Variants in ILDR1 observed in about 807,000 individuals in gnomAD.
ILDR1 encodes immunoglobulin-like domain-containing receptor 1.
Under a neutral mutation model 62.4 loss-of-function variants are expected in ILDR1, and 56 were observed. The ratio of observed to expected loss-of-function variants is 0.90; its 90% CI spans 0.72 to 1.12. The LOEUF is 1.12. ILDR1 is among the 50% of genes most tolerant of loss of function. The pLI is 0.00. For missense variants in ILDR1, 736 were observed against 710.6 expected (o/e 1.04, Z -0.41); for synonymous variants, 284 against 277.8 (o/e 1.02, Z -0.22).
At position 121,988,194 on chromosome 3, in the gene ILDR1, C is replaced by A; in HGVS notation, c.*173G>T. The A allele has an allele frequency of 1.5e-6, 1 of 686,898 alleles. No homozygotes were observed. The highest frequency in any genetic ancestry group is 2.0e-5 in the Admixed American group (1 of 49,288). 42.6% of individuals were successfully genotyped at this position (686,898 alleles called of 1,614,324 possible). A position where few individuals can be genotyped will look rare whatever the true frequency, so the allele number is the denominator to read the frequency against. On this transcript the variant is annotated 3_prime_UTR_variant, in exon 8 of 8. Transcript: ENST00000344209. The stretch of plus-strand genomic sequence containing the variant: ...GTGCTGTGATTACAGGTGTGAGCCA[C>A]TATACCCAATCTCAAACTCTTGTAT...
chr3:121,987,418 A>C lies in ILDR1; in HGVS notation c.*949T>G, dbSNP rs574224717. Reference sequence around the variant, plus strand: ...CTGTGTCATTCCCAAGAAGGATTTAAAGTGACTTCAATCAATACACAATAT... The same window carrying C: ...CTGTGTCATTCCCAAGAAGGATTTACAGTGACTTCAATCAATACACAATAT... On this transcript the variant is annotated 3_prime_UTR_variant, in exon 8 of 8. Coordinates refer to ENST00000344209, the MANE Select transcript of ILDR1 (RefSeq NM_001199799.2). 6.6e-6 allele frequency: 1 copy of C among 152,242 alleles called. No individual in the cohort carries two copies. Among genetic ancestry groups the C allele is most frequent in the East Asian group, 1.9e-4 (1 of 5,168 alleles). 9.4% of individuals were successfully genotyped at this position (152,242 alleles called of 1,614,324 possible).
At chr3:122,048,379 A>T in the ILDR1 span, among the ~76,000 whole-genome samples, 1 of 152,112 alleles carries the variant, frequency 6.6e-6, no homozygotes, top group Non-Finnish European at 1.5e-5. Flanking sequence ...ATTGGCCTGT[A>T]GTTTTCTTTT....
At chr3:122,018,402 G>T (rs199754968) in intron 1 of ILDR1, among the ~76,000 whole-genome samples, 2 of 138,162 alleles carry the variant, frequency 1.4e-5, no homozygotes, top group Non-Finnish European at 3.2e-5. Context: ...GGTGGGGGGG[G>T]GGTAGGGGAG....
At chr3:122,016,789 A>G (rs544854458) in intron 1 of ILDR1, among the ~76,000 whole-genome samples, 1 of 152,300 alleles carries the variant, frequency 6.6e-6, no homozygotes, top group East Asian at 1.9e-4. Flanking sequence ...CTGCATAGAG[A>G]ATGGTTGGAA....
At chr3:122,023,365 G>A (rs2071892877), upstream of ILDR1, among the ~76,000 whole-genome samples, 1 of 151,780 alleles carries the variant, frequency 6.6e-6, no homozygotes, top group Non-Finnish European at 1.5e-5. Context: ...CTCCTTCCAC[G>A]GCAGGAAGCC....
At chr3:122,046,334 C>G in the ILDR1 span, among the ~76,000 whole-genome samples, 1 of 151,582 alleles carries the variant, frequency 6.6e-6, no homozygotes, top group African/African-American at 2.4e-5. Context: ...CGACCTTTCT[C>G]TCTGGTTGCC....
At chr3:122,043,056 G>A in the ILDR1 span, among the ~76,000 whole-genome samples, 59 of 143,808 alleles carry the variant, frequency 4.1e-4, no homozygotes, top group South Asian at 5.5e-3. Flanking sequence ...TAGGTCTAAC[G>A]TTTAAATCTT....
chr3:121,994,229 C>T lies in ILDR1; in HGVS notation c.731G>A (p.Arg244Lys). ...MGKPLYWGAD[R>K]SSQVSSYPMH... ...TGGATAAGATGAAACCTGGGAGCTC[C>T]TGTCCGCCCCCCAGTACAGGGGTTT... The change falls in exon 6 of 8, where the codon AGG becomes AAG. Residue 244 changes from arginine to lysine, a missense_variant. Arg to Lys is a conservative substitution (Grantham distance 26). Coordinates refer to ENST00000344209, the MANE Select transcript of ILDR1 (RefSeq NM_001199799.2). 2 of 1,536,132 alleles carry T rather than the reference C, an allele frequency of 1.3e-6. No homozygotes were observed. Among genetic ancestry groups the T allele is most frequent in the Non-Finnish European group, 1.7e-6 (2 of 1,146,904 alleles).
Position 121,988,087 on chromosome 3 carries a change from A to AT in ILDR1, c.*279dup, listed in dbSNP as rs1435294005. 2.0e-5 allele frequency: 9 copies of AT among 460,862 alleles called. No individual in the cohort carries two copies. Among genetic ancestry groups the AT allele is most frequent in the Middle Eastern group, 6.7e-4 (1 of 1,488 alleles). The allele number at this position is 460,862 out of a possible 1,614,324, so 28.5% of individuals were successfully genotyped here. On this transcript the variant is annotated 3_prime_UTR_variant, in exon 8 of 8. Transcript: ENST00000344209. The stretch of plus-strand genomic sequence containing the variant: ...GCCACCACACCTAACTAATTTTTAT[A>AT]TTTTTTGTAGAGACGGGGTCTCACT...
At chr3:122,000,362 C>A (rs2071502804) in intron 5 of ILDR1, among the ~76,000 whole-genome samples, 1 of 152,066 alleles carries the variant, frequency 6.6e-6, no homozygotes, top group Non-Finnish European at 1.5e-5. Context: ...CTTAATCAAT[C>A]ATGCCTATGT....
chr3:122,025,624 T>C (rs2071912695), upstream of ILDR1, among the ~76,000 whole-genome samples: 1 of 152,236 alleles, frequency 6.6e-6, no homozygotes, highest in Non-Finnish European at 1.5e-5. Flanking sequence ...CTATGAATGT[T>C]TCTGAACACT....
chr3:122,019,987 A>G (rs2071833115), intron 1 of ILDR1, among the ~76,000 whole-genome samples: 1 of 152,166 alleles, frequency 6.6e-6, no homozygotes, highest in South Asian at 2.1e-4. Flanking sequence ...CAGGAATTTC[A>G]CCTGTTTTCC....
the ILDR1 span, among the ~76,000 whole-genome samples, chr3:122,058,703 G>A: frequency 6.6e-6 from 1 of 152,014 alleles, no homozygotes; most frequent in Admixed American, 6.6e-5. Flanking sequence ...CATCCTAAAG[G>A]AACAGCCTAA....
At chr3:121,999,461 A>G (rs768113415) in intron 5 of ILDR1, among the ~76,000 whole-genome samples, 1 of 152,208 alleles carries the variant, frequency 6.6e-6, no homozygotes, top group Non-Finnish European at 1.5e-5. Flanking sequence ...TGCCTTTACC[A>G]TGTATTCTGT....
At chr3:122,053,876 AT>A in the ILDR1 span, among the ~76,000 whole-genome samples, 9 of 152,332 alleles carry the variant, frequency 5.9e-5, no homozygotes, top group African/African-American at 2.2e-4. Context: ...AATATTTAAT[AT>A]TTATAACAAA....
At chr3:122,049,897 A>G in the ILDR1 span, among the ~76,000 whole-genome samples, 1 of 152,168 alleles carries the variant, frequency 6.6e-6, no homozygotes. Flanking sequence ...TCCTTCTTCC[A>G]CCATGTGAGG....
rs1207884041 is a variant in ILDR1, at chr3:121,993,421, C to T, written c.1328G>A (p.Cys443Tyr). 6.2e-7 allele frequency: 1 copy of T among 1,613,988 alleles called. No homozygotes were observed. The highest frequency in any genetic ancestry group is 1.1e-5 in the South Asian group (1 of 91,064). ...GCTGGGCCTGCGGGGCCTCTCCTGA[C>T]AGCGGCTCCTGAAAGGAGGGTGGCT... is the stretch of plus-strand genomic sequence containing the variant. ...RPSHPPFRSR[C>Y]QERPRRPSPR... The change falls in exon 7 of 8, where the codon TGT becomes TAT. Residue 443 changes from cysteine (C) to tyrosine (Y), a missense_variant. Coordinates refer to ENST00000344209, the MANE Select transcript of ILDR1 (RefSeq NM_001199799.2).
chr3:122,035,686 A>C, the ILDR1 span, among the ~76,000 whole-genome samples: 1 of 152,120 alleles, frequency 6.6e-6, no homozygotes, highest in South Asian at 2.1e-4. Context: ...GCCTTCCACC[A>C]TGATTGTAAG....
intron 5 of ILDR1, among the ~76,000 whole-genome samples, chr3:121,994,735 T>C (rs947777426): frequency 6.6e-6 from 1 of 152,096 alleles, no homozygotes; most frequent in Non-Finnish European, 1.5e-5. Flanking sequence ...ATGCTGTGAG[T>C]CAGGGGCTGG....
Sources: gnomAD v4.1 joint callset for allele counts (sites outside exome capture counted in the v4.1 genomes callset) on GRCh38, gnomAD v4.1.1 for gene constraint, MANE v1.5 for transcripts, NCBI Gene and HGNC (gene_info 2026-07-23, HGNC 2026-07-21) for gene names.